The following DCDC2 variants were observed in gnomAD, a reference collection of about 807,000 sequenced individuals.
The protein encoded by DCDC2 is doublecortin domain containing 2, also known as doublecortin domain-containing protein 2.
In DCDC2, 40 loss-of-function variants were observed where a neutral mutation model predicts 50.2. The observed-to-expected ratio is 0.80, with a 90% CI of 0.62 to 1.04. DCDC2 has a LOEUF of 1.04. Among genes scored for constraint, DCDC2 ranks in the 50% least tolerant of loss-of-function variants. DCDC2 has a pLI of 0.00. For synonymous variants in DCDC2, 234 were observed against 210.6 expected, an observed-to-expected ratio of 1.11 and a Z score of -0.96; for missense variants, 570 against 581.9, an observed-to-expected ratio of 0.98 and a Z score of 0.21.
chr6:24,205,745 C>T (rs1423120408), intron 7 of DCDC2, among the ~76,000 whole-genome samples: 2 of 152,108 alleles, frequency 1.3e-5, no homozygotes, highest in Non-Finnish European at 2.9e-5. Flanking sequence ...ACTTGCTTTC[C>T]TCTGGAAAGC....
At chr6:24,257,697 G>GAAA (rs11366184) in intron 7 of DCDC2, among the ~76,000 whole-genome samples, 2,077 of 138,016 alleles carry the variant, frequency 0.015, 15 homozygotes, top group Middle Eastern at 0.048. Flanking sequence ...TGAAGTTGGG[G>GAAA]AAAAAAAAAA....
At chr6:24,359,558 A>G (rs1459649888), upstream of DCDC2, among the ~76,000 whole-genome samples, 2 of 113,208 alleles carry the variant, frequency 1.8e-5, no homozygotes, top group South Asian at 4.8e-4. Context: ...TATATATTAT[A>G]TATTTTTATA....
At chr6:24,293,582 G>C (rs1405579237) in intron 4 of DCDC2, among the ~76,000 whole-genome samples, 1 of 152,126 alleles carries the variant, frequency 6.6e-6, no homozygotes, top group Non-Finnish European at 1.5e-5. Flanking sequence ...CCACATAATA[G>C]TGGGAAACTT....
intron 7 of DCDC2, among the ~76,000 whole-genome samples, chr6:24,264,868 A>G (rs1763085441): frequency 2.0e-5 from 3 of 152,106 alleles, no homozygotes; most frequent in Admixed American, 2.0e-4. Flanking sequence ...TCTGTTACCT[A>G]CAAGAAACAC....
At chr6:24,244,303 C>A (rs1345743592) in intron 7 of DCDC2, among the ~76,000 whole-genome samples, 1 of 152,174 alleles carries the variant, frequency 6.6e-6, no homozygotes, top group Non-Finnish European at 1.5e-5. Flanking sequence ...GATATGGAAC[C>A]AAGAAGCCTA....
intron 7 of DCDC2, among the ~76,000 whole-genome samples, chr6:24,264,803 C>T (rs1234952324): frequency 4.6e-5 from 7 of 151,368 alleles, no homozygotes. Flanking sequence ...TTAAACTCTA[C>T]TATCAATAGA....
At chr6:24,309,794 A>C (rs895004829) in intron 2 of DCDC2, among the ~76,000 whole-genome samples, 28 of 152,288 alleles carry the variant, frequency 1.8e-4, no homozygotes, top group African/African-American at 6.7e-4. Flanking sequence ...AAGGAACAAG[A>C]TCTCACAATA....
At chr6:24,189,366 A>G (rs972219640) in intron 8 of DCDC2, among the ~76,000 whole-genome samples, 24 of 152,338 alleles carry the variant, frequency 1.6e-4, no homozygotes, top group African/African-American at 5.8e-4. Context: ...TGAAAATTAT[A>G]TGGAAATAAG....
intron 7 of DCDC2, among the ~76,000 whole-genome samples, chr6:24,228,599 T>C (rs1409182512): frequency 6.6e-6 from 1 of 152,228 alleles, no homozygotes; most frequent in African/African-American, 2.4e-5. Flanking sequence ...TCTGATAAAA[T>C]GTGAATTACA....
At chr6:24,278,027 A>C in intron 7 of DCDC2, 22 bp downstream of exon 7, 1 of 1,574,260 alleles carries the variant, frequency 6.4e-7, no homozygotes, top group Non-Finnish European at 8.7e-7. Context: ...TCACAGCCTT[A>C]AGATAATAAT....
intron 2 of DCDC2, among the ~76,000 whole-genome samples, chr6:24,308,682 TA>T (rs970350824): frequency 2.0e-5 from 3 of 151,980 alleles, no homozygotes; most frequent in African/African-American, 7.3e-5. Context: ...AAAAATTCAG[TA>T]GAAAAGGTGG....
intron 8 of DCDC2, among the ~76,000 whole-genome samples, chr6:24,188,004 TA>T (rs1289824296): frequency 5.9e-5 from 9 of 152,254 alleles, no homozygotes; most frequent in African/African-American, 2.2e-4. Context: ...TGGATTGTAA[TA>T]ACTATTTTCC....
At position 24,303,325 on chromosome 6, in the gene DCDC2, T is replaced by C. The variant is rs547247748; in HGVS notation, c.349-1281A>G. Among the ~76,000 whole-genome samples, 5 of 152,140 alleles carry C rather than the reference T, an allele frequency of 3.3e-5. No homozygotes were observed. The South Asian group carries it at 8.3e-4, about 25-fold the overall frequency. ...CCAGGGCCAAGTGCCGCTTACTTGG[T>C]GCCCTCATCTCCTACCAACACTCCT... is the stretch of plus-strand genomic sequence containing the variant. On this transcript the variant is annotated intron_variant, in intron 2 of 9. Transcript: ENST00000378454.
chr6:24,258,235 T>C (rs1182223916), intron 7 of DCDC2, among the ~76,000 whole-genome samples: 2 of 152,146 alleles, frequency 1.3e-5, no homozygotes, highest in African/African-American at 2.4e-5. Context: ...TTCCACAGCG[T>C]GCAAGTGGAC....
intron 2 of DCDC2, among the ~76,000 whole-genome samples, chr6:24,345,635 C>T (rs915032412): frequency 6.6e-6 from 1 of 152,212 alleles, no homozygotes; most frequent in Non-Finnish European, 1.5e-5. Flanking sequence ...AAGATTTTCA[C>T]TGTGGTCTTA....
chr6:24,371,271 C>A, the DCDC2 span, among the ~76,000 whole-genome samples: 1 of 72,408 alleles, frequency 1.4e-5, no homozygotes, highest in Non-Finnish European at 2.6e-5. Flanking sequence ...TGTGACACTC[C>A]ATCTCAAAAA....
Position 24,174,734 on chromosome 6 carries a change from G to A in DCDC2, c.1427C>T (p.Ala476Val), listed in dbSNP as rs952408909. 4 of 1,609,148 alleles carry A rather than the reference G, an allele frequency of 2.5e-6. No individual in the cohort carries two copies. Among genetic ancestry groups the A allele is most frequent in the African/African-American group, 1.3e-5 (1 of 74,700 alleles). ...TACTCTCTTTTTAAAAATGTTCTAA[G>A]CCACGGCAGCATAGTCCTTGTTTTG... ...NQQNKDYAAV[A>V] The change falls in exon 10 of 10, where the codon GCT becomes GTT. Residue 476 changes from alanine to valine, a missense_variant. Physicochemically the swap from Ala to Val is moderately conservative, Grantham distance 64 (BLOSUM62 0). Coordinates refer to ENST00000378454, the MANE Select transcript of DCDC2 (RefSeq NM_016356.5).
At chr6:24,333,263 CA>C (rs1326889917) in intron 2 of DCDC2, among the ~76,000 whole-genome samples, 1 of 151,896 alleles carries the variant, frequency 6.6e-6, no homozygotes, top group Non-Finnish European at 1.5e-5. Context: ...TCCAGGTTCC[CA>C]GAGAGAAAAA....
At chr6:24,239,086 A>G (rs949763899) in intron 7 of DCDC2, among the ~76,000 whole-genome samples, 5 of 152,322 alleles carry the variant, frequency 3.3e-5, no homozygotes, top group Admixed American at 6.5e-5. Context: ...TCAAGCATTC[A>G]TATCATAACA....
Sources: gnomAD v4.1 joint callset for allele counts (sites outside exome capture counted in the v4.1 genomes callset) on GRCh38, gnomAD v4.1.1 for gene constraint, MANE v1.5 for transcripts, NCBI Gene and HGNC (gene_info 2026-07-23, HGNC 2026-07-21) for gene names.